Variants in CIZ1 observed in about 807,000 individuals in gnomAD.
CIZ1 encodes CDKN1A interacting zinc finger protein 1, also known as cip1-interacting zinc finger protein.
In CIZ1, 58 loss-of-function variants were observed where a neutral mutation model predicts 118.6. That is an observed-to-expected ratio of 0.49 (90% CI 0.40 to 0.61). The LOEUF (loss-of-function observed/expected upper bound fraction) is 0.61. CIZ1 is among the 20% of genes least tolerant of loss of function. CIZ1 has a pLI of 0.00. For synonymous variants in CIZ1, 448 were observed against 443.4 expected (o/e 1.01, Z -0.13); for missense variants, 921 against 1,115.9 (o/e 0.83, Z 2.49).
intron 2 of CIZ1, 90 bp from the exon 3 acceptor site, chr9:128,190,534 C>T (rs1204529693): frequency 1.5e-6 from 2 of 1,365,112 alleles, no homozygotes; most frequent in African/African-American, 2.9e-5. Context: ...CTCTGCCCCA[C>T]TCTGTGGTAG....
intron 11 of CIZ1, among the ~76,000 whole-genome samples, chr9:128,172,901 G>T (rs1477052728): frequency 6.6e-6 from 1 of 152,150 alleles, no homozygotes; most frequent in Non-Finnish European, 1.5e-5. Context: ...CACACAGTGA[G>T]AGTACCAGGT....
At chr9:128,175,921 C>G (rs1431351802) in intron 11 of CIZ1, among the ~76,000 whole-genome samples, 1 of 152,164 alleles carries the variant, frequency 6.6e-6, no homozygotes, top group East Asian at 1.9e-4. Flanking sequence ...TTCCAGACCC[C>G]AGGAGGGCTG....
chr9:128,192,175 C>G (rs192612616), upstream of CIZ1, among the ~76,000 whole-genome samples: 3 of 152,028 alleles, frequency 2.0e-5, no homozygotes, highest in Non-Finnish European at 4.4e-5. Context: ...GGATCAAGAC[C>G]AGCCTGGGCA....
intron 1 of CIZ1, 79 bp from the exon 2 acceptor site, chr9:128,190,941 C>T (rs1833060200): frequency 2.7e-6 from 4 of 1,467,844 alleles, no homozygotes; most frequent in Non-Finnish European, 2.7e-6. Context: ...CCGCCACTCC[C>T]CGCAGCCACA....
chr9:128,190,765 C>T lies in CIZ1; in HGVS notation c.93G>A (p.Gln31=). ...QQQQLQQQQL[Q]QQQLLQLQQL... Reference sequence around the variant, plus strand: ...GCTGGAGCTGCAGTAACTGCTGCTGCTGCAATTGCTGCTGCTGGAGCTGCT... The same window carrying T: ...GCTGGAGCTGCAGTAACTGCTGCTGTTGCAATTGCTGCTGCTGGAGCTGCT... Residue 31 remains glutamine, a synonymous_variant, in exon 2 of 17, where the codon CAG becomes CAA. Transcript: ENST00000372938. The T allele has an allele frequency of 6.5e-7, 1 of 1,544,014 alleles. No homozygotes were observed. The highest frequency in any genetic ancestry group is 2.0e-5 in the Admixed American group (1 of 51,000).
In CIZ1 at chr9:128,203,240, T is replaced by C. The variant is rs1003233822; in HGVS notation, c.-6+946A>G. On this transcript the variant is annotated intron_variant, in intron 1 of 17. Coordinates refer to the CIZ1 transcript ENST00000372948. The surrounding 1 kb of genome is among the most constrained non-coding windows in gnomAD (Gnocchi z 5.3). ...AAAGCACCCCAAAAGCCGCAGAAGG[T>C]GAAAACTACGACACCCATGATGCCC... 3.6e-5 allele frequency: 7 copies of C among 194,216 alleles called. No individual in the cohort carries two copies. The highest frequency in any genetic ancestry group is 7.2e-5 in the Non-Finnish European group (7 of 97,626). The allele number at this position is 194,216 out of a possible 1,614,324, so 12.0% of individuals were successfully genotyped here. A position where few individuals can be genotyped will look rare whatever the true frequency, so the allele number is the denominator to read the frequency against.
Position 128,169,039 on chromosome 9 carries a change from C to A in CIZ1, c.2295+13G>T. On this transcript the variant is annotated intron_variant, in intron 14 of 16. Coordinates refer to ENST00000372938, the MANE Select transcript of CIZ1 (RefSeq NM_001131016.2). ...CAGCACCAAGCCCGCCTCCCACACC[C>A]TCCCCCCAGCACCTGCTTGCAGAGT... 6.2e-7 allele frequency: 1 copy of A among 1,614,026 alleles called. No homozygotes were observed. Among genetic ancestry groups the A allele is most frequent in the East Asian group, 2.2e-5 (1 of 44,886 alleles).
chr9:128,189,193 T>C (rs1309935415), intron 3 of CIZ1, among the ~76,000 whole-genome samples: 1 of 152,128 alleles, frequency 6.6e-6, no homozygotes, highest in Non-Finnish European at 1.5e-5. Flanking sequence ...TGCCTTGGCC[T>C]CCCAAAGTGC....
chr9:128,197,485 C>G (rs1469613163), intron 1 of CIZ1: 2 of 152,276 alleles, frequency 1.3e-5, no homozygotes, highest in Non-Finnish European at 2.9e-5. Flanking sequence ...CCTGGCCTCC[C>G]CAGTGGCTGT....
chr9:128,177,921 G>A (rs1831070104), intron 9 of CIZ1, among the ~76,000 whole-genome samples, 158 bp from the exon 10 acceptor site: 1 of 152,204 alleles, frequency 6.6e-6, no homozygotes, highest in Non-Finnish European at 1.5e-5. Context: ...TGCACAGCTA[G>A]AAAGCACTGC....
At position 128,180,133 on chromosome 9, in the gene CIZ1, T is replaced by C. The variant is rs4837253; in HGVS notation, c.791+282A>G. ...TATCCAATTGGCTTTGTAAATGGCCTGCCCACTACGGTCCCAGATGAACGT... is the reference window on the plus strand; with the variant it reads ...TATCCAATTGGCTTTGTAAATGGCCCGCCCACTACGGTCCCAGATGAACGT... On this transcript the variant is annotated intron_variant, in intron 7 of 16. Transcript: ENST00000372938. Among the ~76,000 whole-genome samples the C allele has an allele frequency of 0.62, 93,922 of 151,988 alleles. 30,136 individuals are homozygous for C. Among genetic ancestry groups the C allele is most frequent in the East Asian group, 0.95 (4,898 of 5,164 alleles).
At position 128,178,732 on chromosome 9, in the gene CIZ1, G is replaced by A. The variant is rs752850839; in HGVS notation, c.1475C>T (p.Pro492Leu). The part of the protein sequence containing the change: ...VVHVCGLEMP[P>L]DAVEAGGGME... ...ACCTCCACCAGCTTCTACTGCATCA[G>A]GTGGCATCTCCAGCCCGCAGACATG... The change falls in exon 8 of 17, where the codon CCT becomes CTT. Residue 492 changes from proline (P) to leucine (L), a missense_variant. By Grantham distance (98) the Pro-to-Leu change is moderately conservative. Transcript: ENST00000372938. The A allele has an allele frequency of 6.2e-7, 1 of 1,613,942 alleles. No individual in the cohort carries two copies.
chr9:128,181,873 G>A (rs1234124912), intron 5 of CIZ1, among the ~76,000 whole-genome samples: 1 of 152,166 alleles, frequency 6.6e-6, no homozygotes, highest in Non-Finnish European at 1.5e-5. Context: ...CAGTTATCAG[G>A]AGGCCTAACC....
chr9:128,184,031 G>T (rs965837918), intron 5 of CIZ1, among the ~76,000 whole-genome samples: 2 of 152,194 alleles, frequency 1.3e-5, no homozygotes, highest in African/African-American at 2.4e-5. Flanking sequence ...GCCTCCCAAA[G>T]TGTTGGGATT....
At chr9:128,171,694 G>A (rs1434587050) in intron 11 of CIZ1, among the ~76,000 whole-genome samples, 1 of 151,910 alleles carries the variant, frequency 6.6e-6, no homozygotes, top group African/African-American at 2.4e-5. Flanking sequence ...CCAAGATCGC[G>A]CCACTGCACT....
intron 1 of CIZ1, chr9:128,198,035 T>G (rs922941399): frequency 2.6e-5 from 4 of 152,246 alleles, no homozygotes; most frequent in Admixed American, 2.0e-4. Context: ...TCAGCACACA[T>G]GGGCACCTGC....
upstream of CIZ1, among the ~76,000 whole-genome samples, chr9:128,195,866 T>C (rs1341839970): frequency 6.6e-6 from 1 of 151,960 alleles, no homozygotes; most frequent in Non-Finnish European, 1.5e-5. Context: ...CCATCAGAAT[T>C]TTTGTTTGTT....
intron 5 of CIZ1, among the ~76,000 whole-genome samples, chr9:128,182,772 G>A (rs548489422): frequency 7.2e-5 from 11 of 151,884 alleles, no homozygotes; most frequent in African/African-American, 1.7e-4. Flanking sequence ...CTTCCTTTTC[G>A]TGGCATTTCT....
At chr9:128,176,267 T>C in intron 11 of CIZ1, 84 bp downstream of exon 11, 1 of 1,549,770 alleles carries the variant, frequency 6.5e-7, no homozygotes, top group South Asian at 1.2e-5. Flanking sequence ...AACCCAAAGG[T>C]AAACCCTGCA....
Sources: gnomAD v4.1 joint callset for allele counts (sites outside exome capture counted in the v4.1 genomes callset) on GRCh38, gnomAD v4.1.1 for gene constraint, Gnocchi (gnomAD v3.1) non-coding constraint, MANE v1.5 for transcripts, NCBI Gene and HGNC (gene_info 2026-07-23, HGNC 2026-07-21) for gene names.